The following KLHDC1 variants were observed in gnomAD, a reference collection of about 807,000 sequenced individuals.
KLHDC1 encodes the protein kelch domain-containing protein 1.
In KLHDC1, 53 loss-of-function variants were observed where a neutral mutation model predicts 68.3. The observed-to-expected ratio is 0.78, with a 90% CI of 0.62 to 0.98. The LOEUF (loss-of-function observed/expected upper bound fraction) is 0.98, where lower values mean the gene tolerates loss of function less well. Among genes scored for constraint, KLHDC1 ranks in the 50% least tolerant of loss-of-function variants. The probability of loss-of-function intolerance (pLI) is 0.00; values close to 1 mark genes in which losing one functional copy is unlikely to be tolerated. For missense variants in KLHDC1, 470 were observed against 492.3 expected (o/e 0.95, Z 0.43); for synonymous variants, 148 against 159.0 (o/e 0.93, Z 0.52).
chr14:49,727,636 A>G (rs1888705372), intron 6 of KLHDC1, among the ~76,000 whole-genome samples: 1 of 152,144 alleles, frequency 6.6e-6, no homozygotes, highest in African/African-American at 2.4e-5. Flanking sequence ...TCTTCTATAT[A>G]GTAGAAGAAT....
intron 10 of KLHDC1, among the ~76,000 whole-genome samples, chr14:49,735,256 T>G (rs541574129): frequency 5.3e-5 from 8 of 151,932 alleles, no homozygotes; most frequent in African/African-American, 1.9e-4. Flanking sequence ...TAATTCTTGT[T>G]TTTTTCTAAT....
chr14:49,723,131 G>A (rs1242622370), intron 4 of KLHDC1, among the ~76,000 whole-genome samples: 1 of 142,268 alleles, frequency 7.0e-6, no homozygotes, highest in South Asian at 2.3e-4. Flanking sequence ...AAAACCATGA[G>A]ATCTCATGAC....
At chr14:49,709,058 G>A in intron 1 of KLHDC1, 101 bp from the exon 2 acceptor site, 1 of 585,224 alleles carries the variant, frequency 1.7e-6, no homozygotes, top group South Asian at 2.2e-5. Context: ...CTTCTTTTGT[G>A]TTTTATAGTA....
intron 11 of KLHDC1, among the ~76,000 whole-genome samples, 195 bp from the exon 12 acceptor site, chr14:49,743,558 G>A (rs1889120172): frequency 6.6e-6 from 1 of 152,190 alleles, no homozygotes; most frequent in South Asian, 2.1e-4. Flanking sequence ...CTCAAAGTTT[G>A]TAGGTAGCAG....
chr14:49,695,116 A>ATGTGTGTGTGTGTG (rs71115393), intron 1 of KLHDC1, among the ~76,000 whole-genome samples: 4,696 of 142,100 alleles, frequency 0.033, 105 homozygotes, highest in African/African-American at 0.062. Context: ...TGCAGTTTTG[A>ATGTGTGTGTGTGTG]TGTGTGTGTG....
At chr14:49,726,856 G>A (rs533542438) in intron 6 of KLHDC1, among the ~76,000 whole-genome samples, 176 of 152,264 alleles carry the variant, frequency 1.2e-3, no homozygotes, top group African/African-American at 3.8e-3. Flanking sequence ...GTTTCATTCC[G>A]TCTATGGCAG....
Position 49,719,079 on chromosome 14 carries a change from C to T in KLHDC1, c.405-4795C>T, listed in dbSNP as rs1223503048. Among the ~76,000 whole-genome samples, 56 of 152,068 alleles carry T rather than the reference C, an allele frequency of 3.7e-4. 1 individual carries two copies. Among genetic ancestry groups the T allele is most frequent in the Non-Finnish European group, 2.5e-4 (17 of 67,984 alleles). ...ACAGCCATGAGCCACCCCGCCCAGC[C>T]TGTTGTTTTTCTTGATTGTTTTTCT... On this transcript the variant is annotated intron_variant, in intron 4 of 12. Transcript: ENST00000359332.
At chr14:49,693,829 A>ACCT (rs1887654197) in intron 1 of KLHDC1, among the ~76,000 whole-genome samples, 1 of 137,636 alleles carries the variant, frequency 7.3e-6, no homozygotes, top group Non-Finnish European at 1.5e-5. Flanking sequence ...GCTCACCGCA[A>ACCT]CCTCCGCCCC....
intron 10 of KLHDC1, among the ~76,000 whole-genome samples, chr14:49,734,913 G>T (rs1888897331): frequency 6.6e-6 from 1 of 152,000 alleles, no homozygotes. Context: ...GCATAATCTT[G>T]CCTGATAACT....
chr14:49,735,838 C>T (rs895697530), intron 10 of KLHDC1, among the ~76,000 whole-genome samples: 1 of 151,914 alleles, frequency 6.6e-6, no homozygotes, highest in Non-Finnish European at 1.5e-5. Flanking sequence ...TAGTGAGACC[C>T]CATTGCTACA....
In KLHDC1 at chr14:49,710,300, A is replaced by G. The variant is rs773489254; in HGVS notation, c.323A>G (p.Tyr108Cys). ...FVNLRTRDET[Y>C]IWEKITDFEG... ...AATTTACGAACAAGAGATGAAACCTACATTTGGGAGAAAATCACCGACTTT... is the reference window on the plus strand; with the variant it reads ...AATTTACGAACAAGAGATGAAACCTGCATTTGGGAGAAAATCACCGACTTT... The change falls in exon 4 of 13, where the codon TAC becomes TGC. Residue 108 changes from tyrosine to cysteine, a missense_variant. Physicochemically the swap from Tyr to Cys is radical, Grantham distance 194. Coordinates refer to ENST00000359332, the MANE Select transcript of KLHDC1 (RefSeq NM_172193.3). 1.8e-5 allele frequency: 29 copies of G among 1,610,524 alleles called. No individual in the cohort carries two copies. The Middle Eastern group carries it at 2.5e-3, about 137-fold the overall frequency.
chr14:49,697,751 C>T (rs1473778754), intron 1 of KLHDC1, among the ~76,000 whole-genome samples: 3 of 152,188 alleles, frequency 2.0e-5, no homozygotes, highest in African/African-American at 4.8e-5. Context: ...TTAGAACTAA[C>T]TTTTGAGTGC....
At chr14:49,696,319 G>T (rs1002329477) in intron 1 of KLHDC1, among the ~76,000 whole-genome samples, 1 of 151,822 alleles carries the variant, frequency 6.6e-6, no homozygotes, top group Non-Finnish European at 1.5e-5. Context: ...TTACAGGTGC[G>T]TGACACTACA....
intron 2 of KLHDC1, 131 bp from the exon 3 acceptor site, chr14:49,709,578 T>C (rs1888145484): frequency 1.2e-5 from 6 of 486,504 alleles, no homozygotes; most frequent in Non-Finnish European, 2.2e-5. Context: ...TTTTACATTA[T>C]TGGCCACCAT....
At chr14:49,710,036 G>A (rs1279553116) in intron 3 of KLHDC1, among the ~76,000 whole-genome samples, 3 of 152,008 alleles carry the variant, frequency 2.0e-5, no homozygotes, top group Non-Finnish European at 4.4e-5. Flanking sequence ...ATATTTAATT[G>A]ATATTCATAG....
chr14:49,728,870 T>G, intron 6 of KLHDC1, 56 bp from the exon 7 acceptor site: 1 of 1,207,806 alleles, frequency 8.3e-7, no homozygotes, highest in Non-Finnish European at 1.2e-6. Context: ...CATAGGAATG[T>G]AACTTTATTA....
chr14:49,748,536 T>A (rs1456642849), intron 12 of KLHDC1, among the ~76,000 whole-genome samples: 2 of 152,066 alleles, frequency 1.3e-5, no homozygotes, highest in East Asian at 3.8e-4. Flanking sequence ...TGATAGGAAG[T>A]GGCTTATATC....
chr14:49,731,148 C>T (rs141152509), intron 8 of KLHDC1, among the ~76,000 whole-genome samples: 18 of 152,058 alleles, frequency 1.2e-4, no homozygotes, highest in African/African-American at 3.9e-4. Flanking sequence ...GGTGTATTGG[C>T]GCATGCTTGT....
intron 12 of KLHDC1, among the ~76,000 whole-genome samples, chr14:49,746,488 C>G (rs1352783727): frequency 6.6e-6 from 1 of 152,016 alleles, no homozygotes; most frequent in East Asian, 1.9e-4. Flanking sequence ...GCACAAAAAC[C>G]AAGAGAAGGG....
Sources: gnomAD v4.1 joint callset for allele counts (sites outside exome capture counted in the v4.1 genomes callset) on GRCh38, gnomAD v4.1.1 for gene constraint, MANE v1.5 for transcripts, NCBI Gene and HGNC (gene_info 2026-07-23, HGNC 2026-07-21) for gene names.